NEDD1: variants seen among roughly 807,000 people sequenced by gnomAD.
The protein encoded by NEDD1 is NEDD1 gamma-tubulin ring complex targeting factor.
Under a neutral mutation model 74.0 loss-of-function variants are expected in NEDD1, and 33 were observed. That is an observed-to-expected ratio of 0.45 (90% CI 0.34 to 0.60). NEDD1 has a LOEUF of 0.60. Among genes scored for constraint, NEDD1 ranks in the 20% least tolerant of loss-of-function variants. NEDD1 has a pLI of 0.01. For synonymous variants in NEDD1, 250 were observed against 264.4 expected (o/e 0.95, Z 0.53); for missense variants, 746 against 776.5 (o/e 0.96, Z 0.47).
At chr12:96,935,656 G>A (rs1877011641) in intron 7 of NEDD1, among the ~76,000 whole-genome samples, 1 of 152,000 alleles carries the variant, frequency 6.6e-6, no homozygotes, top group Non-Finnish European at 1.5e-5. Flanking sequence ...AATACCAATG[G>A]CCTAAATTGT....
intron 5 of NEDD1, among the ~76,000 whole-genome samples, chr12:96,918,426 A>G (rs1313013452): frequency 1.3e-5 from 2 of 151,948 alleles, no homozygotes; most frequent in East Asian, 3.9e-4. Flanking sequence ...AAACATATTT[A>G]TATCTACACA....
intron 2 of NEDD1, 115 bp downstream of exon 2, chr12:96,907,971 T>A: frequency 1.1e-6 from 1 of 912,892 alleles, no homozygotes; most frequent in Non-Finnish European, 1.4e-6. Flanking sequence ...ACCCAGTTTT[T>A]CTGAGCCCAG....
chr12:96,937,100 A>G, intron 8 of NEDD1, 98 bp from the exon 9 acceptor site: 1 of 707,912 alleles, frequency 1.4e-6, no homozygotes, highest in Non-Finnish European at 2.1e-6. Flanking sequence ...TGCAAGGAAA[A>G]AAATATATTT....
Position 96,953,095 on chromosome 12 carries a change from G to A in NEDD1, c.*1042G>A, listed in dbSNP as rs1462926694. ...AATTTTAGGTTAAGTGAAGCTTGGGGGGGCTACTGACTTGGTTACCTTCTT... is the reference window on the plus strand; with the variant it reads ...AATTTTAGGTTAAGTGAAGCTTGGGAGGGCTACTGACTTGGTTACCTTCTT... On this transcript the variant is annotated 3_prime_UTR_variant, in exon 16 of 16. Transcript: ENST00000266742. The A allele has an allele frequency of 6.6e-6, 1 of 151,092 alleles. No homozygotes were observed. The highest frequency in any genetic ancestry group is 1.5e-5 in the Non-Finnish European group (1 of 67,572). 9.4% of individuals were successfully genotyped at this position (151,092 alleles called of 1,614,324 possible).
At chr12:96,943,829 G>A in intron 12 of NEDD1, 67 bp downstream of exon 12, 6 of 970,484 alleles carry the variant, frequency 6.2e-6, no homozygotes, top group Non-Finnish European at 9.6e-6. Context: ...GTGGCTGCCA[G>A]TGCATGTATC....
rs536162172 is a variant in NEDD1, at chr12:96,953,013, A to G, written c.*960A>G. The stretch of plus-strand genomic sequence containing the variant: ...AAAATTATTTAGAAAGGTTGTCAAA[A>G]TAAGTTATACCTCTTTGGCAATAGA... On this transcript the variant is annotated 3_prime_UTR_variant, in exon 16 of 16. Coordinates refer to ENST00000266742, the MANE Select transcript of NEDD1 (RefSeq NM_152905.4). The G allele has an allele frequency of 6.6e-6, 1 of 151,678 alleles. No individual in the cohort carries two copies. Among genetic ancestry groups the G allele is most frequent in the East Asian group, 1.9e-4 (1 of 5,170 alleles). The allele number at this position is 151,678 out of a possible 1,614,324, so 9.4% of individuals were successfully genotyped here.
chr12:96,945,376 T>C (rs1338012999), intron 13 of NEDD1, among the ~76,000 whole-genome samples: 1 of 152,120 alleles, frequency 6.6e-6, no homozygotes, highest in Non-Finnish European at 1.5e-5. Flanking sequence ...TCTTGGTTTA[T>C]CTAGTTTATG....
rs1742063426 is a variant in NEDD1 at position 96,940,544 on chromosome 12, C to A, written c.1246+7C>A. ...TTCTCACCTATCAGAGATGGTAAGT[C>A]TGTTCAGAGGATCCTGTTCTCTTGC... is the stretch of plus-strand genomic sequence containing the variant. On this transcript the variant is annotated splice_region_variant and intron_variant, in intron 10 of 15. Coordinates refer to ENST00000266742, the MANE Select transcript of NEDD1 (RefSeq NM_152905.4). 2 of 1,592,166 alleles carry A rather than the reference C, an allele frequency of 1.3e-6. No individual in the cohort carries two copies. Among genetic ancestry groups the A allele is most frequent in the Non-Finnish European group, 1.7e-6 (2 of 1,164,508 alleles).
chr12:96,918,827 C>T (rs1874749317), intron 5 of NEDD1, among the ~76,000 whole-genome samples: 1 of 152,162 alleles, frequency 6.6e-6, no homozygotes, highest in African/African-American at 2.4e-5. Context: ...TTCTTAATTT[C>T]CCAAATGGGA....
In NEDD1 at chr12:96,937,065, C is replaced by T. The variant is rs117663197; in HGVS notation, c.922-133C>T. ...AGACATTTTAATTTAGAGGGAAACT[C>T]AGGTCTGCCAGCAAGCTTAAGATTT... On this transcript the variant is annotated intron_variant, in intron 8 of 15. Transcript: ENST00000266742. The T allele has an allele frequency of 5.9e-3, 3,083 of 520,426 alleles. 12 individuals are homozygous for T. The highest frequency in any genetic ancestry group is 0.014 in the Middle Eastern group (27 of 1,890). The allele number at this position is 520,426 out of a possible 1,614,324, so 32.2% of individuals were successfully genotyped here.
At chr12:96,914,278 CT>C (rs1874216437) in intron 4 of NEDD1, among the ~76,000 whole-genome samples, 1 of 152,114 alleles carries the variant, frequency 6.6e-6, no homozygotes, top group African/African-American at 2.4e-5. Flanking sequence ...ATATGTACTA[CT>C]GTTATGCATT....
chr12:96,934,953 AATTTATTCTTTCAT>A lies in NEDD1; in HGVS notation c.490-22_490-9del. 7.1e-7 allele frequency: 1 copy of A among 1,413,184 alleles called. No individual in the cohort carries two copies. Among genetic ancestry groups the A allele is most frequent in the Non-Finnish European group, 1.0e-6 (1 of 998,520 alleles). The allele number at this position is 1,413,184 out of a possible 1,614,324, so 87.5% of individuals were successfully genotyped here. ...CTTATGAATGCTTATAATTACATAA[AATTTATTCTTTCAT>A]TTTTATAGTCTGTTCGGCACTTGAA... On this transcript the variant is annotated splice_polypyrimidine_tract_variant and intron_variant, in intron 6 of 15. Transcript: ENST00000266742.
chr12:96,919,169 C>T (rs74925243), intron 5 of NEDD1, among the ~76,000 whole-genome samples: 3,034 of 152,260 alleles, frequency 0.02, 95 homozygotes, highest in African/African-American at 0.07. Context: ...TCCTTGTGAA[C>T]TCAGTTTGTT....
intron 14 of NEDD1, among the ~76,000 whole-genome samples, 179 bp from the exon 15 acceptor site, chr12:96,951,248 TTAAAG>T (rs1311738372): frequency 1.3e-5 from 2 of 151,880 alleles, no homozygotes; most frequent in Non-Finnish European, 1.5e-5. Context: ...GTTCTTACAT[TTAAAG>T]TAAAGGAAAC....
chr12:96,942,602 T>C lies in NEDD1; in HGVS notation c.1272T>C (p.Asp424=), dbSNP rs199518242. Residue 424 remains aspartate, a synonymous_variant, in exon 11 of 16, where the codon GAT becomes GAC. Transcript: ENST00000266742. ...ATGCTGTAGTTAACAAGGGAAGTGATGAGTCCATAGGCAAAGGAGATGGTA... is the reference window on the plus strand; with the variant it reads ...ATGCTGTAGTTAACAAGGGAAGTGACGAGTCCATAGGCAAAGGAGATGGTA... The part of the protein sequence containing the change: ...RDDAVVNKGS[D]ESIGKGDGFD... The C allele has an allele frequency of 2.6e-6, 4 of 1,525,070 alleles. No homozygotes were observed. In the African/African-American group the frequency reaches 5.5e-5, roughly 21 times the overall value. 94.5% of individuals were successfully genotyped at this position (1,525,070 alleles called of 1,614,324 possible).
intron 6 of NEDD1, among the ~76,000 whole-genome samples, chr12:96,930,455 T>C (rs1365127443): frequency 6.6e-6 from 1 of 152,146 alleles, no homozygotes; most frequent in Non-Finnish European, 1.5e-5. Flanking sequence ...CTAGAGTAGA[T>C]GTGCTTAACC....
In NEDD1 at chr12:96,922,894, C is replaced by A. The variant is rs1343970365; in HGVS notation, c.489+2769C>A. On this transcript the variant is annotated intron_variant, in intron 6 of 15. Transcript: ENST00000266742. ...CTTTGGGAGGCTGAGGCAGGCAGAT[C>A]CCTTGAGCCCAGGAGTTCAAGACCA... Among the ~76,000 whole-genome samples, 3 of 152,232 alleles carry A rather than the reference C, an allele frequency of 2.0e-5. No individual in the cohort carries two copies. The East Asian group carries it at 5.8e-4, about 29-fold the overall frequency.
At chr12:96,951,000 T>C (rs951702753) in intron 14 of NEDD1, among the ~76,000 whole-genome samples, 7 of 151,908 alleles carry the variant, frequency 4.6e-5, no homozygotes, top group African/African-American at 1.7e-4. Flanking sequence ...ATGATCTTTC[T>C]AACCTAGTGA....
Position 96,926,565 on chromosome 12 carries a change from C to G in NEDD1, c.489+6440C>G, listed in dbSNP as rs143853915. On this transcript the variant is annotated intron_variant, in intron 6 of 15. Coordinates refer to ENST00000266742, the MANE Select transcript of NEDD1 (RefSeq NM_152905.4). ...AACCTTTGGAATTTTTTTTTTTTTT[C>G]AAATTAGTTTTTTTTCCTGCAAGCA... Among the ~76,000 whole-genome samples, 603 of 143,706 alleles carry G rather than the reference C, an allele frequency of 4.2e-3. 6 individuals are homozygous for G. The highest frequency in any genetic ancestry group is 0.015 in the African/African-American group (579 of 38,900). 94.3% of individuals were successfully genotyped at this position (143,706 alleles called of 152,430 possible). A position where few individuals can be genotyped will look rare whatever the true frequency, so the allele number is the denominator to read the frequency against.
Sources: gnomAD v4.1 joint callset for allele counts (sites outside exome capture counted in the v4.1 genomes callset) on GRCh38, gnomAD v4.1.1 for gene constraint, MANE v1.5 for transcripts, NCBI Gene and HGNC (gene_info 2026-07-23, HGNC 2026-07-21) for gene names.